The following C2CD2 variants were observed in gnomAD, a reference collection of about 807,000 sequenced individuals.
C2CD2 encodes the protein C2 calcium dependent domain containing 2.
In C2CD2, 43 loss-of-function variants were observed where a neutral mutation model predicts 74.3. The observed-to-expected ratio is 0.58, with a 90% CI of 0.45 to 0.75. The LOEUF is 0.75. Among genes scored for constraint, C2CD2 ranks in the 30% least tolerant of loss-of-function variants. The probability of loss-of-function intolerance (pLI) is 0.00; values close to 1 mark genes in which losing one functional copy is unlikely to be tolerated. For synonymous variants in C2CD2, 422 were observed against 390.7 expected (o/e 1.08, Z -0.94); for missense variants, 801 against 916.3 (o/e 0.87, Z 1.63).
Position 41,913,688 on chromosome 21 carries a change from A to G in C2CD2, c.844+910T>C, listed in dbSNP as rs370170864. Among the ~76,000 whole-genome samples, 26 of 152,330 alleles carry G rather than the reference A, an allele frequency of 1.7e-4. 5 individuals are homozygous for G. The highest frequency in any genetic ancestry group is 5.9e-4 in the Admixed American group (9 of 15,302). On this transcript the variant is annotated intron_variant, in intron 6 of 13. Coordinates refer to ENST00000380486, the MANE Select transcript of C2CD2 (RefSeq NM_015500.2). ...TTGGAACTGGAGGAAGCCCCTTGCA[A>G]ATAAAGATAAGTCACCTTTAACATA...
chr21:41,930,973 A>T (rs1484830253), intron 2 of C2CD2, among the ~76,000 whole-genome samples: 2 of 150,344 alleles, frequency 1.3e-5, no homozygotes, highest in South Asian at 4.3e-4. Flanking sequence ...AGATATGGAA[A>T]TAGGAATTTC....
intron 2 of C2CD2, among the ~76,000 whole-genome samples, chr21:41,928,812 A>G (rs938140521): frequency 2.6e-5 from 4 of 152,120 alleles, no homozygotes; most frequent in African/African-American, 4.8e-5. Flanking sequence ...GATATGGAAT[A>G]AGGTTCTGGG....
intron 5 of C2CD2, among the ~76,000 whole-genome samples, chr21:41,916,947 G>T (rs2065098855): frequency 6.6e-6 from 1 of 152,182 alleles, no homozygotes; most frequent in Non-Finnish European, 1.5e-5. Context: ...AAGCTACTGT[G>T]ACAGAAATAC....
rs2064715735 is a variant in C2CD2 at position 41,889,059 on chromosome 21, G to A, written c.*65C>T. 1.7e-6 allele frequency: 2 copies of A among 1,205,210 alleles called. No individual in the cohort carries two copies. Among genetic ancestry groups the A allele is most frequent in the South Asian group, 2.5e-5 (2 of 80,874 alleles). The allele number at this position is 1,205,210 out of a possible 1,614,324, so 74.7% of individuals were successfully genotyped here. Reference sequence around the variant, plus strand: ...TGGACATCCGGCGGACACACTGGCTGCGTCCTGGTGAGGGTAGTTAACATG... The same window carrying A: ...TGGACATCCGGCGGACACACTGGCTACGTCCTGGTGAGGGTAGTTAACATG... On this transcript the variant is annotated 3_prime_UTR_variant, in exon 14 of 14. Coordinates refer to ENST00000380486, the MANE Select transcript of C2CD2 (RefSeq NM_015500.2).
At position 41,907,665 on chromosome 21, in the gene C2CD2, C is replaced by A. The variant is rs988186667; in HGVS notation, c.1138G>T (p.Ala380Ser). The change falls in exon 9 of 14, where the codon GCA becomes TCA. Residue 380 changes from alanine to serine, a missense_variant. By Grantham distance (99) the Ala-to-Ser change is moderately conservative (BLOSUM62 1). Coordinates refer to ENST00000380486, the MANE Select transcript of C2CD2 (RefSeq NM_015500.2). ...CGSSVLGSVTAEFSYMEPGEL... is the reference protein window; with the variant it reads ...CGSSVLGSVTSEFSYMEPGEL... ...GGCGGACAGCCTCGCCCTACCTCTG[C>A]CGTGACCGAGCCCAGCACCGAGCTG... The A allele has an allele frequency of 6.2e-7, 1 of 1,611,288 alleles. No individual in the cohort carries two copies. Among genetic ancestry groups the A allele is most frequent in the Non-Finnish European group, 8.5e-7 (1 of 1,179,530 alleles).
At chr21:41,916,109 A>C (rs947578277) in intron 5 of C2CD2, among the ~76,000 whole-genome samples, 7 of 152,204 alleles carry the variant, frequency 4.6e-5, no homozygotes, top group African/African-American at 1.7e-4. Flanking sequence ...CTGGAGCCCA[A>C]GAAGGAATTG....
chr21:41,943,195 A>C (rs2065369670), intron 1 of C2CD2, among the ~76,000 whole-genome samples: 1 of 152,152 alleles, frequency 6.6e-6, no homozygotes, highest in Non-Finnish European at 1.5e-5. Context: ...GCTACTCAGG[A>C]AGCTGAGGCA....
Position 41,919,014 on chromosome 21 carries a change from G to C in C2CD2, c.493-54C>G. 3 of 1,259,874 alleles carry C rather than the reference G, an allele frequency of 2.4e-6. No individual in the cohort carries two copies. The South Asian group carries it at 3.6e-5, about 15-fold the overall frequency. 78.0% of individuals were successfully genotyped at this position (1,259,874 alleles called of 1,614,324 possible). On this transcript the variant is annotated intron_variant, in intron 3 of 13. Coordinates refer to ENST00000380486, the MANE Select transcript of C2CD2 (RefSeq NM_015500.2). The stretch of plus-strand genomic sequence containing the variant: ...ACTCTTTCCACCAAAGCCTTAATGT[G>C]CACGTGCGTGTGCATGTGACTGTGT...
intron 8 of C2CD2, among the ~76,000 whole-genome samples, chr21:41,909,012 TG>T (rs1209482349): frequency 7.9e-5 from 12 of 152,270 alleles, no homozygotes; most frequent in African/African-American, 2.4e-4. Context: ...TGGAGATAGA[TG>T]GGGGTGATGG....
At chr21:41,900,990 A>G (rs1331165242) in intron 12 of C2CD2, 3 of 152,646 alleles carry the variant, frequency 2.0e-5, no homozygotes, top group East Asian at 1.9e-4. Context: ...AAAATAAATA[A>G]ATAGATAGAT....
chr21:41,908,774 C>A (rs1388343546), intron 8 of C2CD2: 1 of 152,142 alleles, frequency 6.6e-6, no homozygotes, highest in Admixed American at 6.5e-5. Flanking sequence ...GTTTTACAAT[C>A]TAAGAAAATA....
intron 3 of C2CD2, among the ~76,000 whole-genome samples, chr21:41,919,496 C>T (rs1601582527): frequency 6.6e-6 from 1 of 152,194 alleles, no homozygotes; most frequent in East Asian, 1.9e-4. Context: ...TGCCATCAAA[C>T]CTTGCAGTCT....
rs969616803 is a variant in C2CD2 at position 41,926,526 on chromosome 21, G to A, written c.379-4441C>T. ...CGGGGAGGCCTTCATTCACCTTCTC[G>A]GTGCTCTCTCCAGCCTCAACACCTT... On this transcript the variant is annotated intron_variant, in intron 2 of 13. Transcript: ENST00000380486. This position sits in a 1 kb window ranked among gnomAD's most constrained non-coding sequence, Gnocchi z 8.0. 5.9e-5 allele frequency: 42 copies of A among 712,836 alleles called. No homozygotes were observed. The highest frequency in any genetic ancestry group is 1.3e-4 in the South Asian group (2 of 15,796). 44.2% of individuals were successfully genotyped at this position (712,836 alleles called of 1,614,324 possible). A position where few individuals can be genotyped will look rare whatever the true frequency, so the allele number is the denominator to read the frequency against.
chr21:41,942,575 C>T (rs1172527977), intron 1 of C2CD2, among the ~76,000 whole-genome samples: 1 of 152,198 alleles, frequency 6.6e-6, no homozygotes, highest in Non-Finnish European at 1.5e-5. Flanking sequence ...AAGAAACAGA[C>T]TCTTGGGGCA....
chr21:41,940,743 T>C (rs1203665031), intron 2 of C2CD2, among the ~76,000 whole-genome samples: 20 of 152,260 alleles, frequency 1.3e-4, no homozygotes, highest in Admixed American at 1.2e-3. Context: ...ACATGTGAGT[T>C]ATGGGGAAGG....
rs1161171635 is a variant in C2CD2, at chr21:41,887,137, T to G, written c.*1987A>C. ...TGGAATTCTTAAATATGTCTCAGCC[T>G]CTTTTTACCACATGGCAAAGAGCAG... On this transcript the variant is annotated 3_prime_UTR_variant, in exon 14 of 14. Coordinates refer to ENST00000380486, the MANE Select transcript of C2CD2 (RefSeq NM_015500.2). The G allele has an allele frequency of 6.6e-6, 1 of 152,224 alleles. No homozygotes were observed. The highest frequency in any genetic ancestry group is 1.5e-5 in the Non-Finnish European group (1 of 68,042). 9.4% of individuals were successfully genotyped at this position (152,224 alleles called of 1,614,324 possible).
In C2CD2 at chr21:41,914,725, A is replaced by G. The variant is rs898638835; in HGVS notation, c.721-4T>C. 2 of 1,610,914 alleles carry G rather than the reference A, an allele frequency of 1.2e-6. No homozygotes were observed. Among genetic ancestry groups the G allele is most frequent in the African/African-American group, 2.7e-5 (2 of 74,840 alleles). ...TAGATGCAGCACACTGTAAGTTCTGAAAAAATAAAGAGCACTTTATTTTTG... is the reference window on the plus strand; with the variant it reads ...TAGATGCAGCACACTGTAAGTTCTGGAAAAATAAAGAGCACTTTATTTTTG... On this transcript the variant is annotated splice_region_variant and splice_polypyrimidine_tract_variant and intron_variant, in intron 5 of 13. Transcript: ENST00000380486.
At position 41,939,278 on chromosome 21, in the gene C2CD2, G is replaced by C. The variant is rs2065335367; in HGVS notation, c.378+2869C>G. ...TGTATTTATTAAAAGGATTACAATT[G>C]AATTACCTACCGTGTAAGGCCACTT... On this transcript the variant is annotated intron_variant, in intron 2 of 13. Transcript: ENST00000380486. The surrounding 1 kb of genome is among the most constrained non-coding windows in gnomAD (Gnocchi z 5.5). 6.6e-6 allele frequency among the ~76,000 whole-genome samples: 1 copy of C among 152,136 alleles called. No individual in the cohort carries two copies. The highest frequency in any genetic ancestry group is 1.5e-5 in the Non-Finnish European group (1 of 68,032).
Position 41,953,721 on chromosome 21 carries a change from G to A in C2CD2, c.-73C>T. 4.8e-6 allele frequency: 6 copies of A among 1,249,294 alleles called. No individual in the cohort carries two copies. Among genetic ancestry groups the A allele is most frequent in the Non-Finnish European group, 6.0e-6 (6 of 993,896 alleles). 77.4% of individuals were successfully genotyped at this position (1,249,294 alleles called of 1,614,324 possible). A position where few individuals can be genotyped will look rare whatever the true frequency, so the allele number is the denominator to read the frequency against. ...CCGGAACGGCGGACTCAGGACACGC[G>A]CTGGCTGCGGCCACAGCGCGCTGGG... On this transcript the variant is annotated 5_prime_UTR_variant, in exon 1 of 14. Transcript: ENST00000380486.
Sources: allele counts gnomAD v4.1 joint callset (sites outside exome capture counted in the v4.1 genomes callset), GRCh38; gene constraint gnomAD v4.1.1; non-coding constraint Gnocchi (gnomAD v3.1); transcripts MANE v1.5; gene names NCBI Gene and HGNC (gene_info 2026-07-23, HGNC 2026-07-21).